The following CIT variants were observed in gnomAD, a reference collection of about 807,000 sequenced individuals.
CIT encodes citron rho-interacting serine/threonine kinase, also known as citron Rho-interacting kinase.
In CIT, 79 loss-of-function variants were observed where a neutral mutation model predicts 272.7. That is an observed-to-expected ratio of 0.29 (90% CI 0.24 to 0.35). The LOEUF is 0.35. Ranked by LOEUF, CIT falls within the 10% of genes least tolerant of loss-of-function variation. The probability of loss-of-function intolerance (pLI) is 1.00; values close to 1 mark genes in which losing one functional copy is unlikely to be tolerated. For missense variants in CIT, 1,909 were observed against 2,618.3 expected (o/e 0.73, Z 5.91); for synonymous variants, 948 against 995.6 (o/e 0.95, Z 0.90).
At chr12:119,814,769 C>T (rs921691688) in intron 9 of CIT, among the ~76,000 whole-genome samples, 1 of 152,092 alleles carries the variant, frequency 6.6e-6, no homozygotes, top group African/African-American at 2.4e-5. Flanking sequence ...AGGCCCAAAA[C>T]ATCACGCCTG....
chr12:119,832,898 C>A (rs775871140), intron 6 of CIT, 34 bp from the exon 7 acceptor site: 1 of 1,500,752 alleles, frequency 6.7e-7, no homozygotes, highest in African/African-American at 1.4e-5. Flanking sequence ...ATTGCCTCCT[C>A]CATCCCAATC....
chr12:119,691,860 T>C (rs995356941), intron 46 of CIT, among the ~76,000 whole-genome samples: 2 of 152,224 alleles, frequency 1.3e-5, no homozygotes, highest in African/African-American at 2.4e-5. Context: ...GCATAATTTG[T>C]GCTTGGAAAA....
intron 10 of CIT, among the ~76,000 whole-genome samples, chr12:119,800,439 G>T (rs1966094905): frequency 6.6e-6 from 1 of 152,076 alleles, no homozygotes; most frequent in Admixed American, 6.5e-5. Flanking sequence ...AATAGTCTGG[G>T]GTCCCAAAAT....
chr12:119,695,421 G>A (rs1377951680), intron 46 of CIT, among the ~76,000 whole-genome samples: 2 of 152,236 alleles, frequency 1.3e-5, no homozygotes, highest in South Asian at 2.1e-4. Flanking sequence ...TGGTTGTACA[G>A]TTGTCCCTTG....
At chr12:119,873,780 G>A (rs80334899) in intron 2 of CIT, among the ~76,000 whole-genome samples, 26 of 148,226 alleles carry the variant, frequency 1.8e-4, no homozygotes, top group South Asian at 2.1e-4. Flanking sequence ...CAATATTTTG[G>A]AAAAAAAAAA....
At chr12:119,781,694 G>A (rs1964304858) in intron 13 of CIT, among the ~76,000 whole-genome samples, 1 of 151,952 alleles carries the variant, frequency 6.6e-6, no homozygotes, top group Non-Finnish European at 1.5e-5. Flanking sequence ...GCTTTTTAAA[G>A]GTCTCGATTC....
Position 119,710,465 on chromosome 12 carries a change from C to T in CIT, c.4935+75G>A, listed in dbSNP as rs1157940708. 1.9e-6 allele frequency: 3 copies of T among 1,612,492 alleles called. No individual in the cohort carries two copies. Among genetic ancestry groups the T allele is most frequent in the East Asian group, 4.5e-5 (2 of 44,856 alleles). On this transcript the variant is annotated intron_variant, in intron 38 of 47. Transcript: ENST00000392521. This position sits in a 1 kb window ranked among gnomAD's most constrained non-coding sequence, Gnocchi z 5.6. ...CAATCTCTAGTAAGAGCAACAAGGCCTCCACAGCCCTTTCTTTCTTGATGG... is the reference window on the plus strand; with the variant it reads ...CAATCTCTAGTAAGAGCAACAAGGCTTCCACAGCCCTTTCTTTCTTGATGG...
intron 9 of CIT, 44 bp from the exon 10 acceptor site, chr12:119,803,433 T>C: frequency 7.1e-7 from 1 of 1,403,250 alleles, no homozygotes; most frequent in Non-Finnish European, 9.7e-7. Context: ...GGAAAAAAAA[T>C]TTCAGCCGGA....
intron 23 of CIT, among the ~76,000 whole-genome samples, chr12:119,745,020 G>A (rs1375337773): frequency 6.6e-6 from 1 of 151,812 alleles, no homozygotes; most frequent in Admixed American, 6.6e-5. Flanking sequence ...AGACCCAGAA[G>A]GAGTACAGGA....
At chr12:119,723,568 G>A (rs1245063965) in intron 28 of CIT, among the ~76,000 whole-genome samples, 1 of 152,008 alleles carries the variant, frequency 6.6e-6, no homozygotes, top group South Asian at 2.1e-4. Flanking sequence ...AATTTCACGA[G>A]GAAACTGTAA....
intron 3 of CIT, among the ~76,000 whole-genome samples, chr12:119,863,538 T>C (rs1174297340): frequency 6.6e-6 from 1 of 152,022 alleles, no homozygotes; most frequent in Non-Finnish European, 1.5e-5. Flanking sequence ...TTTTTGTTTG[T>C]TTGTTTTGAG....
At chr12:119,836,414 G>A (rs1354835365) in intron 5 of CIT, among the ~76,000 whole-genome samples, 14 of 150,744 alleles carry the variant, frequency 9.3e-5, no homozygotes, top group East Asian at 1.9e-4. Flanking sequence ...CCCAGTCCTC[G>A]AGGAGCCCAC....
In CIT at chr12:119,804,260, ATCAG is replaced by A; in HGVS notation, c.1112-875_1112-872del. On this transcript the variant is annotated intron_variant, in intron 9 of 47. Transcript: ENST00000392521. This position sits in a 1 kb window ranked among gnomAD's most constrained non-coding sequence, Gnocchi z 5.3. ...CGGTCTGGGAGGTGGACACTCGTCC[ATCAG>A]TCACCAGGAGGCTGCCCATCGCGGT... is the stretch of plus-strand genomic sequence containing the variant. 1 of 985,442 alleles carries A rather than the reference ATCAG, an allele frequency of 1.0e-6. No individual in the cohort carries two copies. The highest frequency in any genetic ancestry group is 1.2e-6 in the Non-Finnish European group (1 of 829,946). The allele number at this position is 985,442 out of a possible 1,614,324, so 61.0% of individuals were successfully genotyped here.
chr12:119,733,496 T>C (rs987030125), intron 26 of CIT, among the ~76,000 whole-genome samples: 5 of 147,220 alleles, frequency 3.4e-5, no homozygotes, highest in African/African-American at 1.0e-4. Flanking sequence ...ATGGTGCCAC[T>C]GCACTCCAGC....
chr12:119,841,693 A>G (rs1238592752), intron 5 of CIT, among the ~76,000 whole-genome samples: 2 of 152,226 alleles, frequency 1.3e-5, no homozygotes, highest in Non-Finnish European at 2.9e-5. Context: ...ATCCATCTAT[A>G]GAAAAAGAAT....
chr12:119,801,181 C>T (rs1288828830), intron 10 of CIT, among the ~76,000 whole-genome samples: 1 of 152,116 alleles, frequency 6.6e-6, no homozygotes, highest in Non-Finnish European at 1.5e-5. Flanking sequence ...AACAGCAGCT[C>T]GTTTTGTGCT....
chr12:119,714,233 T>C lies in CIT; in HGVS notation c.4270A>G (p.Thr1424Ala), dbSNP rs751774006. ...RATKCAVCLD[T>A]VHFGRQASKC... ...GATGCCTGGCGTCCAAAGTGCACGG[T>C]ATCCAGACACACAGCACACTTTGTG... Residue 1424 changes from threonine (T) to alanine (A), a missense_variant, in exon 33 of 48, where the codon ACC (threonine) becomes GCC (alanine). Physicochemically the swap from Thr to Ala is moderately conservative, Grantham distance 58. Around this residue, in one of 8 missense-constraint regions of CIT, gnomAD observed 780 missense variants for 1,067.2 expected, o/e 0.73. Transcript: ENST00000392521. 6.2e-7 allele frequency: 1 copy of C among 1,614,194 alleles called. No individual in the cohort carries two copies. Among genetic ancestry groups the C allele is most frequent in the South Asian group, 1.1e-5 (1 of 91,076 alleles).
chr12:119,690,089 C>T lies in CIT; in HGVS notation c.6186+62G>A. The T allele has an allele frequency of 7.2e-7, 1 of 1,395,696 alleles. No individual in the cohort carries two copies. Among genetic ancestry groups the T allele is most frequent in the South Asian group, 1.8e-5 (1 of 56,174 alleles). 86.5% of individuals were successfully genotyped at this position (1,395,696 alleles called of 1,614,324 possible). A position where few individuals can be genotyped will look rare whatever the true frequency, so the allele number is the denominator to read the frequency against. On this transcript the variant is annotated intron_variant, in intron 47 of 47. Transcript: ENST00000392521. The surrounding 1 kb of genome is among the most constrained non-coding windows in gnomAD (Gnocchi z 6.0). ...AACAACAGTGGCCCCGTGGGGGCCTCAGTTCCCCAAGTCACTCCTGGCCTC... is the reference window on the plus strand; with the variant it reads ...AACAACAGTGGCCCCGTGGGGGCCTTAGTTCCCCAAGTCACTCCTGGCCTC...
Position 119,784,760 on chromosome 12 carries a change from TA to T in CIT, c.1401+199del. The T allele has an allele frequency of 7.1e-7, 1 of 1,414,584 alleles. No individual in the cohort carries two copies. The allele number at this position is 1,414,584 out of a possible 1,614,324, so 87.6% of individuals were successfully genotyped here. On this transcript the variant is annotated intron_variant, in intron 11 of 47. Transcript: ENST00000392521. This position sits in a 1 kb window ranked among gnomAD's most constrained non-coding sequence, Gnocchi z 4.7. ...TCCAGGGCCTCCTCTGGTTTAGATTTAAAGGATTTACAGCAACAGCAAGGCC... is the reference window on the plus strand; with the variant it reads ...TCCAGGGCCTCCTCTGGTTTAGATTTAAGGATTTACAGCAACAGCAAGGCC...
Sources: allele counts gnomAD v4.1 joint callset (sites outside exome capture counted in the v4.1 genomes callset), GRCh38; gene constraint gnomAD v4.1.1; regional missense constraint gnomAD v4.1.1; non-coding constraint Gnocchi (gnomAD v3.1); transcripts MANE v1.5; gene names NCBI Gene and HGNC (gene_info 2026-07-23, HGNC 2026-07-21).